The following PRKN variants were observed in gnomAD, a reference collection of about 807,000 sequenced individuals.
PRKN encodes parkin RBR E3 ubiquitin protein ligase, also known as E3 ubiquitin-protein ligase parkin.
Under a neutral mutation model 59.5 loss-of-function variants are expected in PRKN, and 56 were observed. The observed-to-expected ratio is 0.94, with a 90% CI of 0.76 to 1.18. PRKN has a LOEUF of 1.18. Among genes scored for constraint, PRKN ranks in the 50% most tolerant of loss-of-function variants. The pLI, the probability that PRKN is intolerant of heterozygous loss-of-function variation, is 0.00. For missense variants in PRKN, 657 were observed against 596.4 expected, an observed-to-expected ratio of 1.10 and a Z score of -1.06; for synonymous variants, 250 against 222.1, an observed-to-expected ratio of 1.13 and a Z score of -1.12.
intron 3 of PRKN, among the ~76,000 whole-genome samples, chr6:162,236,516 G>A (rs61230634): frequency 0.048 from 7,360 of 152,076 alleles, 195 homozygotes; most frequent in East Asian, 0.076. Context: ...GCTTGGTGTG[G>A]TGGCTCACGC....
At chr6:162,664,158 C>T (rs955599405) in intron 1 of PRKN, among the ~76,000 whole-genome samples, 2 of 152,126 alleles carry the variant, frequency 1.3e-5, no homozygotes, top group African/African-American at 4.8e-5. Context: ...GTTTTCTCTT[C>T]CTGTGTTAGT....
In PRKN at chr6:161,785,916, G is replaced by A. The variant is rs765248676; in HGVS notation, c.735-8C>T. On this transcript the variant is annotated splice_region_variant and splice_polypyrimidine_tract_variant and intron_variant, in intron 6 of 11. Coordinates refer to ENST00000366898, the MANE Select transcript of PRKN (RefSeq NM_004562.3). ...AAAACCAGGACGGGGCTCCTGCAGAGAGAAAGGAAGATGTTTCCTCTAGTA... is the reference window on the plus strand; with the variant it reads ...AAAACCAGGACGGGGCTCCTGCAGAAAGAAAGGAAGATGTTTCCTCTAGTA... The A allele has an allele frequency of 2.5e-5, 40 of 1,613,566 alleles. No individual in the cohort carries two copies. The highest frequency in any genetic ancestry group is 2.9e-5 in the Non-Finnish European group (34 of 1,179,676).
intron 1 of PRKN, among the ~76,000 whole-genome samples, chr6:162,508,853 A>T (rs1218872680): frequency 6.7e-6 from 1 of 149,754 alleles, no homozygotes; most frequent in East Asian, 1.9e-4. Context: ...CCCTGTCTCA[A>T]AAAACAAAAA....
intron 7 of PRKN, among the ~76,000 whole-genome samples, chr6:161,672,208 C>T (rs548160079): frequency 1.3e-4 from 20 of 152,168 alleles, no homozygotes; most frequent in South Asian, 4.2e-4. Context: ...ATGCAGATAA[C>T]GTGTAGATAC....
chr6:162,360,648 A>C (rs1321634390), intron 2 of PRKN, among the ~76,000 whole-genome samples: 1 of 152,232 alleles, frequency 6.6e-6, no homozygotes. Context: ...TGTAAACCAG[A>C]AATCTTTCAC....
Position 162,011,443 on chromosome 6 carries a change from T to A in PRKN, c.619-38026A>T, listed in dbSNP as rs1176365729. ...ATTTTATAATATATATGTTATATAT[T>A]TATAATATATAATATATATATTATA... On this transcript the variant is annotated intron_variant, in intron 5 of 11. Coordinates refer to ENST00000366898, the MANE Select transcript of PRKN (RefSeq NM_004562.3). Among the ~76,000 whole-genome samples, 8 of 20,826 alleles carry A rather than the reference T, an allele frequency of 3.8e-4. 2 individuals are homozygous for A. In the African/African-American group the frequency reaches 5.1e-3, roughly 13 times the overall value. 13.7% of individuals were successfully genotyped at this position (20,826 alleles called of 152,430 possible).
At chr6:161,675,683 C>T (rs571348822) in intron 7 of PRKN, among the ~76,000 whole-genome samples, 1 of 152,290 alleles carries the variant, frequency 6.6e-6, no homozygotes, top group Non-Finnish European at 1.5e-5. Context: ...TATTCCCCAG[C>T]TCATACATCC....
chr6:161,782,817 C>G (rs1790263633), intron 7 of PRKN, among the ~76,000 whole-genome samples: 1 of 152,014 alleles, frequency 6.6e-6, no homozygotes, highest in Non-Finnish European at 1.5e-5. Context: ...TCACTTGAAC[C>G]CGGGAGGCCA....
intron 9 of PRKN, among the ~76,000 whole-genome samples, chr6:161,406,821 G>A (rs1378509372): frequency 1.3e-5 from 2 of 152,128 alleles, no homozygotes; most frequent in Non-Finnish European, 2.9e-5. Flanking sequence ...TCTGGAATTT[G>A]CAAATCTGTA....
chr6:161,867,789 C>T (rs1794183650), intron 6 of PRKN, among the ~76,000 whole-genome samples: 1 of 65,972 alleles, frequency 1.5e-5, no homozygotes, highest in Admixed American at 1.4e-4. Flanking sequence ...GAGACAGAGT[C>T]TCACTCTGTC....
chr6:161,669,034 C>G (rs866685594), intron 7 of PRKN, among the ~76,000 whole-genome samples: 1 of 152,142 alleles, frequency 6.6e-6, no homozygotes, highest in Admixed American at 6.5e-5. Flanking sequence ...GATTAGGCCA[C>G]GAGGGTGGAG....
chr6:162,282,993 TC>T (rs199761355), intron 2 of PRKN, among the ~76,000 whole-genome samples: 12 of 150,280 alleles, frequency 8.0e-5, no homozygotes, highest in African/African-American at 2.9e-4. Flanking sequence ...TTTCTCTCTC[TC>T]TTTTTTTTTT....
intron 6 of PRKN, among the ~76,000 whole-genome samples, chr6:161,877,429 G>T (rs1032885494): frequency 2.0e-5 from 3 of 151,932 alleles, no homozygotes; most frequent in African/African-American, 7.3e-5. Context: ...CAAGACTAAA[G>T]GCTGATAATG....
chr6:161,370,002 T>C (rs1167706371), intron 10 of PRKN: 1 of 444,388 alleles, frequency 2.3e-6, no homozygotes, highest in South Asian at 1.6e-5. Context: ...CCGTGTGTTT[T>C]CTATGATCAC....
At chr6:161,930,709 T>C (rs981405475) in intron 6 of PRKN, among the ~76,000 whole-genome samples, 10 of 152,150 alleles carry the variant, frequency 6.6e-5, no homozygotes, top group Non-Finnish European at 1.2e-4. Flanking sequence ...GAAATCAAAG[T>C]TGTAGATAAT....
intron 1 of PRKN, among the ~76,000 whole-genome samples, chr6:162,457,166 C>T (rs1279403174): frequency 6.6e-6 from 1 of 151,970 alleles, no homozygotes; most frequent in Non-Finnish European, 1.5e-5. Flanking sequence ...ATAATTTTAC[C>T]ATGTTGGTGA....
In PRKN at chr6:161,554,703, A is replaced by C. The variant is rs531776018; in HGVS notation, c.934-5700T>G. Among the ~76,000 whole-genome samples, 11 of 143,208 alleles carry C rather than the reference A, an allele frequency of 7.7e-5. No individual in the cohort carries two copies. Among genetic ancestry groups the C allele is most frequent in the Non-Finnish European group, 1.4e-4 (9 of 66,654 alleles). The allele number at this position is 143,208 out of a possible 152,430, so 94.0% of individuals were successfully genotyped here. A position where few individuals can be genotyped will look rare whatever the true frequency, so the allele number is the denominator to read the frequency against. ...TAAGGAATATACAATCCTGATATACATACAGGGATTGTGTGTGTGTGTGTG... is the reference window on the plus strand; with the variant it reads ...TAAGGAATATACAATCCTGATATACCTACAGGGATTGTGTGTGTGTGTGTG... On this transcript the variant is annotated intron_variant, in intron 8 of 11. Transcript: ENST00000366898. The surrounding 1 kb of genome is among the most constrained non-coding windows in gnomAD (Gnocchi z 4.5).
At position 161,697,745 on chromosome 6, in the gene PRKN, C is replaced by G. The variant is rs532936324; in HGVS notation, c.871+88027G>C. On this transcript the variant is annotated intron_variant, in intron 7 of 11. Coordinates refer to ENST00000366898, the MANE Select transcript of PRKN (RefSeq NM_004562.3). The stretch of plus-strand genomic sequence containing the variant: ...TCCAGGAAAACTCAATTCACCATGA[C>G]CTTTAAGTTGAAAATACTCTTTAAT... Among the ~76,000 whole-genome samples the G allele has an allele frequency of 2.0e-5, 3 of 152,160 alleles. No individual in the cohort carries two copies. In the East Asian group the frequency reaches 5.8e-4, roughly 29 times the overall value.
At chr6:162,141,474 C>T (rs562051635) in intron 4 of PRKN, among the ~76,000 whole-genome samples, 1 of 152,142 alleles carries the variant, frequency 6.6e-6, no homozygotes, top group Non-Finnish European at 1.5e-5. Flanking sequence ...CATTCTAGCT[C>T]AAATAAGTGC....
Sources: allele counts gnomAD v4.1 joint callset (sites outside exome capture counted in the v4.1 genomes callset), GRCh38; gene constraint gnomAD v4.1.1; non-coding constraint Gnocchi (gnomAD v3.1); transcripts MANE v1.5; gene names NCBI Gene and HGNC (gene_info 2026-07-23, HGNC 2026-07-21).